The following DCC variants were observed in gnomAD, a reference collection of about 807,000 sequenced individuals.
DCC encodes netrin receptor DCC.
In DCC, 58 loss-of-function variants were observed where a neutral mutation model predicts 172.5. The ratio of observed to expected loss-of-function variants is 0.34; its 90% confidence interval spans 0.27 to 0.42. The LOEUF (loss-of-function observed/expected upper bound fraction) is 0.42. DCC is among the 10% of genes least tolerant of loss of function. DCC has a pLI of 1.00. For missense variants in DCC, 1,740 were observed against 1,791.0 expected (o/e 0.97, Z 0.51); for synonymous variants, 709 against 644.5 (o/e 1.10, Z -1.52).
intron 2 of DCC, among the ~76,000 whole-genome samples, chr18:52,871,423 T>G (rs1318522342): frequency 6.6e-6 from 1 of 152,100 alleles, no homozygotes; most frequent in African/African-American, 2.4e-5. Flanking sequence ...AACAGACTTA[T>G]GGGGGTTTTA....
At chr18:53,073,227 A>T (rs1398612645) in intron 7 of DCC, among the ~76,000 whole-genome samples, 3 of 135,746 alleles carry the variant, frequency 2.2e-5, no homozygotes, top group South Asian at 2.1e-4. Context: ...GAAGACAAAT[A>T]AAAAAAAATA....
intron 2 of DCC, among the ~76,000 whole-genome samples, chr18:52,857,269 G>C (rs913380861): frequency 6.6e-6 from 1 of 152,308 alleles, no homozygotes; most frequent in African/African-American, 2.4e-5. Context: ...GTAACATTTT[G>C]CTATCCTTGC....
intron 1 of DCC, among the ~76,000 whole-genome samples, chr18:52,357,448 G>A (rs1171750574): frequency 6.6e-6 from 1 of 152,058 alleles, no homozygotes; most frequent in South Asian, 2.1e-4. Flanking sequence ...CAACCAAGTA[G>A]TTTCCTATTA....
chr18:53,199,329 G>T (rs2055499436), intron 9 of DCC, among the ~76,000 whole-genome samples: 1 of 151,852 alleles, frequency 6.6e-6, no homozygotes, highest in African/African-American at 2.4e-5. Flanking sequence ...GGCCTCAAAT[G>T]ATCCTCCCAC....
At chr18:52,447,045 A>G (rs1017516248) in intron 1 of DCC, among the ~76,000 whole-genome samples, 2 of 152,204 alleles carry the variant, frequency 1.3e-5, no homozygotes, top group Non-Finnish European at 2.9e-5. Flanking sequence ...CAATTTTGAA[A>G]CAATTCTTTT....
At chr18:52,364,563 G>T (rs528343516) in intron 1 of DCC, among the ~76,000 whole-genome samples, 1 of 152,336 alleles carries the variant, frequency 6.6e-6, no homozygotes, top group East Asian at 1.9e-4. Flanking sequence ...ATTTTCTGGT[G>T]AGGAAAACAT....
At chr18:52,812,854 G>A (rs781190720) in intron 2 of DCC, among the ~76,000 whole-genome samples, 13 of 152,192 alleles carry the variant, frequency 8.5e-5, no homozygotes, top group Non-Finnish European at 1.6e-4. Context: ...GAATTTGATA[G>A]TGTATCAGGC....
intron 16 of DCC, among the ~76,000 whole-genome samples, chr18:53,387,828 G>A (rs544429936): frequency 6.6e-5 from 10 of 152,244 alleles, no homozygotes; most frequent in African/African-American, 2.4e-4. Context: ...TACTACAGTC[G>A]GTCTTTTCAA....
At chr18:53,010,004 C>T (rs2041705604) in intron 5 of DCC, among the ~76,000 whole-genome samples, 1 of 151,918 alleles carries the variant, frequency 6.6e-6, no homozygotes, top group Admixed American at 6.6e-5. Flanking sequence ...AAAATCAAAT[C>T]CATCAAATAT....
At chr18:52,921,248 AAT>A (rs1367508774) in intron 3 of DCC, among the ~76,000 whole-genome samples, 1 of 152,208 alleles carries the variant, frequency 6.6e-6, no homozygotes, top group African/African-American at 2.4e-5. Context: ...AGATGTTTGT[AAT>A]AGGAGAAACT....
intron 25 of DCC, among the ~76,000 whole-genome samples, chr18:53,469,998 GC>G (rs933941354): frequency 1.6e-4 from 25 of 152,116 alleles, no homozygotes; most frequent in Admixed American, 1.4e-3. Context: ...TGTACTAGAT[GC>G]CCCTGGTTTT....
At chr18:52,347,517 A>T (rs891719400) in intron 1 of DCC, among the ~76,000 whole-genome samples, 1 of 152,096 alleles carries the variant, frequency 6.6e-6, no homozygotes, top group African/African-American at 2.4e-5. Context: ...GTTGAGTTTT[A>T]TCTCTGGCTA....
intron 1 of DCC, among the ~76,000 whole-genome samples, chr18:52,405,980 A>G (rs1258968443): frequency 1.3e-5 from 2 of 151,364 alleles, no homozygotes; most frequent in African/African-American, 2.4e-5. Context: ...AGAGATATAG[A>G]TCAATGGAAC....
At chr18:52,673,813 G>A (rs2035599408) in intron 1 of DCC, among the ~76,000 whole-genome samples, 1 of 152,164 alleles carries the variant, frequency 6.6e-6, no homozygotes, top group Non-Finnish European at 1.5e-5. Flanking sequence ...AGACCATGAT[G>A]GGGTAAACTC....
At chr18:52,783,087 C>T (rs189541787) in intron 2 of DCC, among the ~76,000 whole-genome samples, 3 of 151,900 alleles carry the variant, frequency 2.0e-5, no homozygotes, top group Admixed American at 6.6e-5. Context: ...GAAAAACAGA[C>T]CTAAACTACC....
intron 7 of DCC, among the ~76,000 whole-genome samples, chr18:53,119,088 G>A (rs1301976683): frequency 1.3e-5 from 2 of 151,700 alleles, no homozygotes; most frequent in Non-Finnish European, 2.9e-5. Flanking sequence ...CTTGAGGAAG[G>A]TACTGTGGTA....
chr18:52,847,007 C>T (rs1458011746), intron 2 of DCC, among the ~76,000 whole-genome samples: 1 of 152,136 alleles, frequency 6.6e-6, no homozygotes, highest in Non-Finnish European at 1.5e-5. Flanking sequence ...GTTGTGGAGT[C>T]CTGACCTTAC....
chr18:52,867,725 G>C lies in DCC; in HGVS notation c.413-38319G>C, dbSNP rs569375716. Among the ~76,000 whole-genome samples the C allele has an allele frequency of 1.4e-3, 213 of 152,220 alleles. 2 individuals are homozygous for C. Among genetic ancestry groups the C allele is most frequent in the African/African-American group, 4.8e-3 (201 of 41,544 alleles). ...TTTGTATTTCTGTGGGATCAGTGGT[G>C]ATATCTTGACTATCAGCTTTTAATT... On this transcript the variant is annotated intron_variant, in intron 2 of 28. Coordinates refer to ENST00000442544, the MANE Select transcript of DCC (RefSeq NM_005215.4).
intron 5 of DCC, among the ~76,000 whole-genome samples, chr18:52,966,744 C>T (rs1434468027): frequency 1.3e-5 from 2 of 152,126 alleles, no homozygotes; most frequent in Admixed American, 6.6e-5. Context: ...TCCCTTTGCC[C>T]CTTCAGGCCT....
Sources: gnomAD v4.1 joint callset for allele counts (sites outside exome capture counted in the v4.1 genomes callset) on GRCh38, gnomAD v4.1.1 for gene constraint, MANE v1.5 for transcripts, NCBI Gene and HGNC (gene_info 2026-07-23, HGNC 2026-07-21) for gene names.